METTL25B: variants seen among roughly 807,000 people sequenced by gnomAD.
The protein encoded by METTL25B is methyltransferase-like protein 25B.
A neutral mutation model predicts 48.4 loss-of-function variants in METTL25B; 38 were observed. The ratio of observed to expected loss-of-function variants is 0.78; its 90% CI spans 0.61 to 1.03. METTL25B has a LOEUF of 1.03. METTL25B is among the 50% of genes least tolerant of loss of function. METTL25B has a pLI of 0.00. For missense variants in METTL25B, 537 were observed against 603.7 expected (o/e 0.89, Z 1.16); for synonymous variants, 230 against 254.5 (o/e 0.90, Z 0.92).
rs574847654 is a variant in METTL25B, at chr1:156,728,472, GCGCGC to G, written c.-630_-626del. The stretch of plus-strand genomic sequence containing the variant: ...TCCGGAGCCGGATGCGGAAATCGGT[GCGCGC>G]CGACGAAGCCCGGGAAGGCAGGCGC... On this transcript the variant is annotated 5_prime_UTR_variant, in exon 1 of 8. Coordinates refer to ENST00000368216, the MANE Select transcript of METTL25B (RefSeq NM_015997.4). The G allele has an allele frequency of 6.8e-4, 673 of 985,730 alleles. 4 individuals carry two copies. In the African/African-American group the frequency reaches 0.011, roughly 15 times the overall value. The allele number at this position is 985,730 out of a possible 1,614,324, so 61.1% of individuals were successfully genotyped here. A position where few individuals can be genotyped will look rare whatever the true frequency, so the allele number is the denominator to read the frequency against.
intron 1 of METTL25B, among the ~76,000 whole-genome samples, chr1:156,731,426 A>AATT (rs1649277919): frequency 6.6e-6 from 1 of 152,154 alleles, no homozygotes; most frequent in Non-Finnish European, 1.5e-5. Flanking sequence ...GCCCGGCCAA[A>AATT]GTTATTATTT....
rs557086598 is a variant in METTL25B at position 156,734,826 on chromosome 1, C to T, written c.1121+333C>T. ...GATTACAGGCGTGAGCCACCGCACC[C>T]GGCCTGGAGGGGAGATTTCTAACGG... On this transcript the variant is annotated intron_variant, in intron 6 of 7. Coordinates refer to ENST00000368216, the MANE Select transcript of METTL25B (RefSeq NM_015997.4). Among the ~76,000 whole-genome samples, 586 of 87,146 alleles carry T rather than the reference C, an allele frequency of 6.7e-3. 3 individuals carry two copies. The highest frequency in any genetic ancestry group is 9.4e-3 in the Admixed American group (71 of 7,586). 57.2% of individuals were successfully genotyped at this position (87,146 alleles called of 152,430 possible). A position where few individuals can be genotyped will look rare whatever the true frequency, so the allele number is the denominator to read the frequency against.
chr1:156,731,859 C>T (rs893029991), intron 1 of METTL25B, 132 bp from the exon 2 acceptor site: 1 of 1,161,290 alleles, frequency 8.6e-7, no homozygotes, highest in East Asian at 2.4e-5. Context: ...AGGTACCTGC[C>T]AGTTACAGGC....
At chr1:156,733,585 A>G (rs1571514241) in intron 5 of METTL25B, 65 bp downstream of exon 5, 1 of 1,544,876 alleles carries the variant, frequency 6.5e-7, no homozygotes, top group East Asian at 2.2e-5. Context: ...AATTGAGCAC[A>G]GAGGCTGGAT....
chr1:156,736,753 A>T lies in METTL25B; in HGVS notation c.1428A>T (p.Ter476CysextTer52), dbSNP rs749789707. ...ALSVLETEDS[*>C] is the part of the protein sequence containing the mutation. Reference sequence around the variant, plus strand: ...CTGTTCTGGAGACTGAAGACAGCTGATGCAGCCTGAGGAAACATCTCAGAC... The same window carrying T: ...CTGTTCTGGAGACTGAAGACAGCTGTTGCAGCCTGAGGAAACATCTCAGAC... Residue 476 changes from the stop codon to cysteine (C), a stop_lost, in exon 8 of 8, where the codon TGA becomes TGT. Transcript: ENST00000368216. 1 of 1,611,424 alleles carries T rather than the reference A, an allele frequency of 6.2e-7. No homozygotes were observed. The highest frequency in any genetic ancestry group is 8.5e-7 in the Non-Finnish European group (1 of 1,179,972).
In METTL25B at chr1:156,734,154, G is replaced by A. The variant is rs1649524299; in HGVS notation, c.782G>A (p.Gly261Glu). 6 of 1,614,202 alleles carry A rather than the reference G, an allele frequency of 3.7e-6. No individual in the cohort carries two copies. The East Asian group carries it at 1.3e-4, about 36-fold the overall frequency. The change falls in exon 6 of 8, where the codon GGG (glycine) becomes GAG (glutamate). Residue 261 changes from glycine to glutamate, a missense_variant. By Grantham distance (98) the Gly-to-Glu change is moderately conservative (BLOSUM62 -2). Coordinates refer to ENST00000368216, the MANE Select transcript of METTL25B (RefSeq NM_015997.4). ...CTGCTCACAGGCCTCCACGCCTGTG[G>A]GGATCTGAGTGTTGCCTTGCTGAGA... ...RLLLTGLHAC[G>E]DLSVALLRHF...
Position 156,732,021 on chromosome 1 carries a change from C to T in METTL25B, c.142C>T (p.Leu48Phe). ...TTTCACAGACAACCTATGGGACACACTCCCTTGCTCATGGCAGGAAGCATT... is the reference window on the plus strand; with the variant it reads ...TTTCACAGACAACCTATGGGACACATTCCCTTGCTCATGGCAGGAAGCATT... The part of the protein sequence containing the change: ...EFFTDNLWDT[L>F]PCSWQEALDG... The change falls in exon 2 of 8, where the codon CTC (leucine) becomes TTC (phenylalanine). Residue 48 changes from leucine to phenylalanine, a missense_variant. Leu to Phe is a conservative substitution (Grantham distance 22, BLOSUM62 0). Coordinates refer to ENST00000368216, the MANE Select transcript of METTL25B (RefSeq NM_015997.4). The T allele has an allele frequency of 6.2e-7, 1 of 1,614,220 alleles. No homozygotes were observed. The highest frequency in any genetic ancestry group is 8.5e-7 in the Non-Finnish European group (1 of 1,180,040).
At position 156,729,208 on chromosome 1, in the gene METTL25B, A is replaced by G. The variant is rs766423666; in HGVS notation, c.104A>G (p.Tyr35Cys). 6.9e-6 allele frequency: 11 copies of G among 1,602,284 alleles called. No individual in the cohort carries two copies. The highest frequency in any genetic ancestry group is 1.3e-5 in the African/African-American group (1 of 74,564). Residue 35 changes from tyrosine to cysteine, a missense_variant, in exon 1 of 8, where the codon TAC becomes TGC. By Grantham distance (194) the Tyr-to-Cys change is radical. Transcript: ENST00000368216. ...CTCTACCGTTCCATCTTGGATGCCT[A>G]CATCATCGTGAGGCCACAGGGGCGT... ...LALYRSILDA[Y>C]IIEFFTDNLW...
chr1:156,733,586 G>T, intron 5 of METTL25B, 66 bp downstream of exon 5: 1 of 1,538,474 alleles, frequency 6.5e-7, no homozygotes, highest in Non-Finnish European at 8.9e-7. Flanking sequence ...ATTGAGCACA[G>T]AGGCTGGATT....
At chr1:156,732,168 G>A (rs1340558098) in intron 2 of METTL25B, 53 bp downstream of exon 2, 11 of 1,612,916 alleles carry the variant, frequency 6.8e-6, no homozygotes, top group Non-Finnish European at 9.3e-6. Flanking sequence ...AAGCCCTGCA[G>A]TGAGCATATT....
chr1:156,730,456 G>T (rs1649182310), intron 1 of METTL25B, among the ~76,000 whole-genome samples: 1 of 152,152 alleles, frequency 6.6e-6, no homozygotes. Context: ...GGGTACGATG[G>T]CTCACACCTG....
chr1:156,734,783 G>A (rs941025528), intron 6 of METTL25B, among the ~76,000 whole-genome samples: 7 of 151,396 alleles, frequency 4.6e-5, no homozygotes, highest in Middle Eastern at 3.2e-3. Flanking sequence ...CGCCCACCTC[G>A]GCCTCCCAAA....
intron 7 of METTL25B, 125 bp from the exon 8 acceptor site, chr1:156,736,507 G>C (rs1270244620): frequency 3.7e-6 from 4 of 1,091,392 alleles, no homozygotes; most frequent in African/African-American, 1.6e-5. Context: ...TATGGAGAAC[G>C]GGGTCTCCTT....
In METTL25B at chr1:156,734,147, G is replaced by A. The variant is rs144058262; in HGVS notation, c.775G>A (p.Ala259Thr). The change falls in exon 6 of 8, where the codon GCC becomes ACC. Residue 259 changes from alanine to threonine, a missense_variant. Physicochemically the swap from Ala to Thr is moderately conservative, Grantham distance 58 (BLOSUM62 0). Transcript: ENST00000368216. ...RARLLLTGLH[A>T]CGDLSVALLR... is the part of the protein sequence containing the mutation. ...CCGCTTGCTGCTCACAGGCCTCCAC[G>A]CCTGTGGGGATCTGAGTGTTGCCTT... 4.8e-5 allele frequency: 78 copies of A among 1,614,092 alleles called. No individual in the cohort carries two copies. Among genetic ancestry groups the A allele is most frequent in the Non-Finnish European group, 6.4e-5 (76 of 1,180,056 alleles).
At position 156,733,014 on chromosome 1, in the gene METTL25B, C is replaced by A; in HGVS notation, c.459C>A (p.Gly153=). The A allele has an allele frequency of 6.2e-7, 1 of 1,614,160 alleles. No homozygotes were observed. Among genetic ancestry groups the A allele is most frequent in the South Asian group, 1.1e-5 (1 of 91,084 alleles). The change falls in exon 4 of 8, where the codon GGC becomes GGA. Residue 153 remains glycine, a synonymous_variant. Coordinates refer to ENST00000368216, the MANE Select transcript of METTL25B (RefSeq NM_015997.4). ...TGAAGAAGCTGAGTGATTTCACAGG[C>A]TGCACCCAGGTTGTAGACGTGGGCT... ...ELVKKLSDFT[G]CTQVVDVGSG...
intron 4 of METTL25B, among the ~76,000 whole-genome samples, 161 bp downstream of exon 4, chr1:156,733,208 A>T (rs984321599): frequency 1.3e-5 from 2 of 152,122 alleles, no homozygotes; most frequent in African/African-American, 2.4e-5. Flanking sequence ...AGATTTAACA[A>T]TGGGGGAGTT....
At position 156,733,465 on chromosome 1, in the gene METTL25B, G is replaced by C; in HGVS notation, c.581G>C (p.Arg194Pro). The part of the protein sequence containing the change: ...GDQRLVERAQ[R>P]LDQELLQALE... ...CAGAGACTGGTGGAGAGAGCCCAGC[G>C]CCTGGACCAGGAGCTTCTGCAGGCT... is the stretch of plus-strand genomic sequence containing the variant. Residue 194 changes from arginine to proline, a missense_variant, in exon 5 of 8, where the codon CGC (arginine) becomes CCC (proline). Arg to Pro is a moderately radical substitution (Grantham distance 103). Coordinates refer to ENST00000368216, the MANE Select transcript of METTL25B (RefSeq NM_015997.4). 6.2e-7 allele frequency: 1 copy of C among 1,614,112 alleles called. No individual in the cohort carries two copies. The highest frequency in any genetic ancestry group is 8.5e-7 in the Non-Finnish European group (1 of 1,179,986).
rs1456003100 is a variant in METTL25B at position 156,735,781 on chromosome 1, T to C, written c.1178T>C (p.Leu393Pro). ...VGLDPQLPLNLAALQAHVAQE... is the reference protein window; with the variant it reads ...VGLDPQLPLNPAALQAHVAQE... ...CTAGATCCCCAGCTGCCACTGAATCTGGCTGCCCTTCAGGCCCACGTGGCC... is the reference window on the plus strand; with the variant it reads ...CTAGATCCCCAGCTGCCACTGAATCCGGCTGCCCTTCAGGCCCACGTGGCC... Residue 393 changes from leucine to proline, a missense_variant, in exon 7 of 8, where the codon CTG (leucine) becomes CCG (proline). Leu to Pro is a moderately conservative substitution (Grantham distance 98). Coordinates refer to ENST00000368216, the MANE Select transcript of METTL25B (RefSeq NM_015997.4). The C allele has an allele frequency of 6.2e-7, 1 of 1,612,124 alleles. No homozygotes were observed. The highest frequency in any genetic ancestry group is 1.7e-5 in the Admixed American group (1 of 59,646).
intron 4 of METTL25B, 24 bp downstream of exon 4, chr1:156,733,071 G>GT (rs1324865052): frequency 5.0e-6 from 8 of 1,608,114 alleles, no homozygotes; most frequent in South Asian, 1.1e-5. Flanking sequence ...TTGATGTACT[G>GT]TTTTTTTGAG....
Sources: gnomAD v4.1 joint callset for allele counts (sites outside exome capture counted in the v4.1 genomes callset) on GRCh38, gnomAD v4.1.1 for gene constraint, MANE v1.5 for transcripts, NCBI Gene and HGNC (gene_info 2026-07-23, HGNC 2026-07-21) for gene names.